Variants in GRIK4 observed in about 807,000 individuals in gnomAD.
GRIK4 encodes the protein glutamate receptor ionotropic, kainate 4.
Under a neutral mutation model 104.9 loss-of-function variants are expected in GRIK4, and 40 were observed. The observed-to-expected ratio is 0.38, with a 90% CI of 0.30 to 0.50. The LOEUF (loss-of-function observed/expected upper bound fraction) is 0.50. Among genes scored for constraint, GRIK4 ranks in the 20% least tolerant of loss-of-function variants. The pLI is 0.93. For missense variants in GRIK4, 1,047 were observed against 1,308.1 expected (o/e 0.80, Z 3.08); for synonymous variants, 485 against 524.9 (o/e 0.92, Z 1.04).
chr11:120,662,541 G>T (rs759346289), intron 3 of GRIK4, among the ~76,000 whole-genome samples: 2 of 152,120 alleles, frequency 1.3e-5, no homozygotes. Flanking sequence ...GTGGAGTAGC[G>T]CAGGGATGGG....
At chr11:120,924,451 A>G (rs1327511950) in intron 13 of GRIK4, among the ~76,000 whole-genome samples, 2 of 152,198 alleles carry the variant, frequency 1.3e-5, no homozygotes, top group South Asian at 4.1e-4. Context: ...ATAGACATAT[A>G]GAAAAGTGCA....
At chr11:120,736,695 C>T (rs1951227233) in intron 3 of GRIK4, among the ~76,000 whole-genome samples, 1 of 151,996 alleles carries the variant, frequency 6.6e-6, no homozygotes, top group Non-Finnish European at 1.5e-5. Flanking sequence ...AATGGAAATA[C>T]ATAGTTGTAT....
At chr11:120,938,043 A>T (rs1943636228) in intron 13 of GRIK4, among the ~76,000 whole-genome samples, 1 of 152,066 alleles carries the variant, frequency 6.6e-6, no homozygotes, top group East Asian at 1.9e-4. Context: ...TAATTTTTCT[A>T]ATCTTGCCAT....
intron 13 of GRIK4, among the ~76,000 whole-genome samples, chr11:120,931,235 C>A (rs1315684614): frequency 1.3e-5 from 2 of 152,148 alleles, no homozygotes; most frequent in Non-Finnish European, 2.9e-5. Context: ...TGGAGGGAAG[C>A]AGTTATGTCT....
chr11:120,698,331 G>T (rs1051866278), intron 3 of GRIK4, among the ~76,000 whole-genome samples: 1 of 152,096 alleles, frequency 6.6e-6, no homozygotes, highest in African/African-American at 2.4e-5. Flanking sequence ...AGCTCCACAG[G>T]GTCCCTGTTA....
At chr11:120,527,935 C>T (rs529920440) in intron 1 of GRIK4, among the ~76,000 whole-genome samples, 60 of 152,282 alleles carry the variant, frequency 3.9e-4, no homozygotes, top group African/African-American at 1.3e-3. Context: ...GGGACACATG[C>T]GTTGTGAATA....
At chr11:120,916,245 A>G (rs1032778073) in intron 13 of GRIK4, among the ~76,000 whole-genome samples, 1 of 152,210 alleles carries the variant, frequency 6.6e-6, no homozygotes, top group African/African-American at 2.4e-5. Context: ...GAGTGCTAGG[A>G]GTTGAAGTCA....
In GRIK4 at chr11:120,957,418, C is replaced by T. The variant is rs371791797; in HGVS notation, c.1874+465C>T. Among the ~76,000 whole-genome samples the T allele has an allele frequency of 1.1e-3, 174 of 152,366 alleles. 1 individual carries two copies. The highest frequency in any genetic ancestry group is 4.0e-3 in the African/African-American group (165 of 41,598). ...GTGTCTCTGCCTCTGGCTCTGGGGG[C>T]TTGCTGGCCTGTTCACCTCAGCAGG... On this transcript the variant is annotated intron_variant, in intron 16 of 20. Transcript: ENST00000527524.
At chr11:120,631,481 G>A (rs1000855809) in intron 1 of GRIK4, among the ~76,000 whole-genome samples, 5 of 152,254 alleles carry the variant, frequency 3.3e-5, no homozygotes, top group Admixed American at 1.3e-4. Flanking sequence ...CCAGGCCTCC[G>A]AGTCGATGGG....
chr11:120,625,177 A>G (rs917330368), intron 1 of GRIK4, among the ~76,000 whole-genome samples: 7 of 152,176 alleles, frequency 4.6e-5, no homozygotes, highest in African/African-American at 1.7e-4. Flanking sequence ...CGGGAGGCTG[A>G]GGCGGGAGAA....
At chr11:120,564,253 A>G (rs1948278552) in intron 1 of GRIK4, among the ~76,000 whole-genome samples, 1 of 152,212 alleles carries the variant, frequency 6.6e-6, no homozygotes. Flanking sequence ...TTACGGGGGA[A>G]AATGCTCTCA....
chr11:120,848,628 A>T (rs1227446525), intron 8 of GRIK4, among the ~76,000 whole-genome samples: 1 of 152,156 alleles, frequency 6.6e-6, no homozygotes, highest in Non-Finnish European at 1.5e-5. Flanking sequence ...ACCCACAGCA[A>T]GAGTTGGTCT....
intron 1 of GRIK4, among the ~76,000 whole-genome samples, chr11:120,607,356 C>T (rs1447250352): frequency 6.6e-6 from 1 of 152,158 alleles, no homozygotes; most frequent in Non-Finnish European, 1.5e-5. Flanking sequence ...CTGTGTTTAG[C>T]ACCACAGCAC....
At chr11:120,821,408 T>C (rs1953123966) in intron 6 of GRIK4, among the ~76,000 whole-genome samples, 1 of 152,030 alleles carries the variant, frequency 6.6e-6, no homozygotes, top group Non-Finnish European at 1.5e-5. Context: ...GGGAAGTAGG[T>C]TGGAGCCTAG....
rs1371137772 is a variant in GRIK4, at chr11:120,902,458, T to C, written c.1273-2832T>C. On this transcript the variant is annotated intron_variant, in intron 12 of 20. Transcript: ENST00000527524. This position sits in a 1 kb window ranked among gnomAD's most constrained non-coding sequence, Gnocchi z 4.5. The stretch of plus-strand genomic sequence containing the variant: ...TAAATTAACTTGAGAGTAGTGAGTA[T>C]TTGGGGAGAAGAATTTGTGACACCC... Among the ~76,000 whole-genome samples, 3 of 152,104 alleles carry C rather than the reference T, an allele frequency of 2.0e-5. No homozygotes were observed. Among genetic ancestry groups the C allele is most frequent in the Non-Finnish European group, 4.4e-5 (3 of 68,022 alleles).
Position 120,952,243 on chromosome 11 carries a change from C to T in GRIK4, c.1591-612C>T, listed in dbSNP as rs988466358. On this transcript the variant is annotated intron_variant, in intron 14 of 20. Transcript: ENST00000527524. This position sits in a 1 kb window ranked among gnomAD's most constrained non-coding sequence, Gnocchi z 5.2. ...AGGAAACATGGGCTTTTTTGGGTCC[C>T]GGCTCTTCCATTTACGCACTGTGGA... 1.1e-4 allele frequency among the ~76,000 whole-genome samples: 17 copies of T among 152,094 alleles called. No individual in the cohort carries two copies. Among genetic ancestry groups the T allele is most frequent in the Non-Finnish European group, 2.4e-4 (16 of 68,016 alleles).
At chr11:120,985,066 T>C (rs61903170) in intron 20 of GRIK4, among the ~76,000 whole-genome samples, 24,194 of 151,934 alleles carry the variant, frequency 0.16, 2,280 homozygotes, top group East Asian at 0.27. Context: ...TGACCTCAAG[T>C]GATCTGCCTA....
chr11:120,720,976 CGT>C (rs1950922348), intron 3 of GRIK4, among the ~76,000 whole-genome samples: 2 of 111,520 alleles, frequency 1.8e-5, no homozygotes, highest in Admixed American at 9.2e-5. Context: ...TGTTCATTCA[CGT>C]ATTCATTCAT....
At chr11:120,578,075 T>C (rs1177193876) in intron 1 of GRIK4, among the ~76,000 whole-genome samples, 2 of 152,094 alleles carry the variant, frequency 1.3e-5, no homozygotes, top group Non-Finnish European at 2.9e-5. Flanking sequence ...TGTGCATGTG[T>C]GTGCATGCGT....
Sources: allele counts gnomAD v4.1 joint callset (sites outside exome capture counted in the v4.1 genomes callset), GRCh38; gene constraint gnomAD v4.1.1; non-coding constraint Gnocchi (gnomAD v3.1); transcripts MANE v1.5; gene names NCBI Gene and HGNC (gene_info 2026-07-23, HGNC 2026-07-21).